MTUS2: variants seen among roughly 807,000 people sequenced by gnomAD.
The protein encoded by MTUS2 is microtubule-associated tumor suppressor candidate 2.
MTUS2 carries 40 observed loss-of-function variants against 114.1 expected under a neutral mutation model. The observed-to-expected ratio is 0.35, with a 90% CI of 0.27 to 0.46. MTUS2 has a LOEUF of 0.46. Ranked by LOEUF, MTUS2 falls within the 20% of genes least tolerant of loss-of-function variation. The probability of loss-of-function intolerance (pLI) is 1.00; values close to 1 mark genes in which losing one functional copy is unlikely to be tolerated. For synonymous variants in MTUS2, 688 were observed against 672.0 expected (o/e 1.02, Z -0.37); for missense variants, 1,679 against 1,705.4 (o/e 0.98, Z 0.27).
intron 6 of MTUS2, among the ~76,000 whole-genome samples, chr13:29,299,459 C>G (rs888013857): frequency 1.3e-5 from 2 of 152,166 alleles, no homozygotes; most frequent in African/African-American, 4.8e-5. Context: ...AGTCCTTGTC[C>G]CTGTGGAGCT....
At chr13:29,035,280 G>GT (rs1887011023) in intron 4 of MTUS2, among the ~76,000 whole-genome samples, 1 of 152,196 alleles carries the variant, frequency 6.6e-6, no homozygotes, top group Non-Finnish European at 1.5e-5. Context: ...AGCAAAACTA[G>GT]TAACACTGAT....
chr13:28,886,404 G>A (rs1023287294), intron 2 of MTUS2, among the ~76,000 whole-genome samples: 3 of 152,132 alleles, frequency 2.0e-5, no homozygotes, highest in Non-Finnish European at 4.4e-5. Flanking sequence ...TGGTGGAGGT[G>A]GGGAGAAGTG....
chr13:29,026,321 T>A lies in MTUS2; in HGVS notation c.1623T>A (p.Thr541=). 6.2e-7 allele frequency: 1 copy of A among 1,613,954 alleles called. No individual in the cohort carries two copies. Among genetic ancestry groups the A allele is most frequent in the Non-Finnish European group, 8.5e-7 (1 of 1,179,866 alleles). ...NIPAPLHPET[T]VNMTYQPTTP... is the part of the protein sequence containing the mutation. ...CAGCACCCCTCCACCCAGAGACAACTGTGAACATGACCTACCAGCCTACAA... is the reference window on the plus strand; with the variant it reads ...CAGCACCCCTCCACCCAGAGACAACAGTGAACATGACCTACCAGCCTACAA... The change falls in exon 3 of 16, where the codon ACT becomes ACA. Residue 541 remains threonine (T), a synonymous_variant. Transcript: ENST00000612955.
intron 2 of MTUS2, among the ~76,000 whole-genome samples, chr13:28,953,892 G>A (rs557649176): frequency 1.2e-4 from 18 of 152,212 alleles, no homozygotes; most frequent in Middle Eastern, 3.4e-3. Flanking sequence ...ATTTATTTGA[G>A]TCCCAAAAAC....
At chr13:29,298,671 T>C (rs1050929158) in intron 6 of MTUS2, among the ~76,000 whole-genome samples, 8 of 152,170 alleles carry the variant, frequency 5.3e-5, no homozygotes, top group Non-Finnish European at 1.2e-4. Context: ...AAGTAAGAAA[T>C]AGGGTCACTT....
rs778352283 is a variant in MTUS2, at chr13:29,026,544, G to A, written c.1846G>A (p.Glu616Lys). The change falls in exon 3 of 16, where the codon GAG (glutamate) becomes AAG (lysine). Residue 616 changes from glutamate (E) to lysine (K), a missense_variant. By Grantham distance (56) the Glu-to-Lys change is moderately conservative. Around this residue, in one of 3 missense-constraint regions of MTUS2, gnomAD observed 843 missense variants for 770.8 expected, o/e 1.09. Coordinates refer to ENST00000612955, the MANE Select transcript of MTUS2 (RefSeq NM_001033602.4). ...CACACCTTCCTCGCAGGAGGGAATG[G>A]AGAACTATCAGGTTGAAAAAACAGA... ...KDTPSSQEGM[E>K]NYQVEKTEER... The A allele has an allele frequency of 1.2e-5, 19 of 1,613,946 alleles. No individual in the cohort carries two copies. Among genetic ancestry groups the A allele is most frequent in the Non-Finnish European group, 1.6e-5 (19 of 1,179,868 alleles).
In MTUS2 at chr13:29,024,546, G is replaced by C; in HGVS notation, c.-153G>C. 1.3e-5 allele frequency: 12 copies of C among 901,132 alleles called. No homozygotes were observed. Among genetic ancestry groups the C allele is most frequent in the Non-Finnish European group, 2.0e-5 (12 of 593,636 alleles). 55.8% of individuals were successfully genotyped at this position (901,132 alleles called of 1,614,324 possible). The stretch of plus-strand genomic sequence containing the variant: ...CAAGACAATGCTTGGTTTTCAAGCT[G>C]TTCTGAGAATGATTAAAGCAGTGTC... On this transcript the variant is annotated 5_prime_UTR_variant, in exon 3 of 16. Coordinates refer to ENST00000612955, the MANE Select transcript of MTUS2 (RefSeq NM_001033602.4).
chr13:29,149,073 G>A (rs560816719), intron 5 of MTUS2, among the ~76,000 whole-genome samples: 78 of 152,236 alleles, frequency 5.1e-4, no homozygotes, highest in African/African-American at 1.8e-3. Context: ...GGATCGGGTG[G>A]TAATTCTAAT....
chr13:29,231,152 T>G (rs1478422274), intron 5 of MTUS2, among the ~76,000 whole-genome samples: 3 of 152,188 alleles, frequency 2.0e-5, no homozygotes, highest in Non-Finnish European at 2.9e-5. Context: ...AATTTCCTGG[T>G]GAATGATTCA....
intron 2 of MTUS2, among the ~76,000 whole-genome samples, chr13:28,966,948 A>T (rs1054058457): frequency 1.6e-4 from 24 of 152,162 alleles, no homozygotes; most frequent in African/African-American, 5.3e-4. Flanking sequence ...ATAGTAGCAA[A>T]TTTTCCCTTG....
At chr13:28,976,704 A>T (rs188215662) in intron 2 of MTUS2, among the ~76,000 whole-genome samples, 2 of 152,226 alleles carry the variant, frequency 1.3e-5, no homozygotes, top group African/African-American at 4.8e-5. Flanking sequence ...GATTGGCAAT[A>T]TCTAAATGGG....
intron 5 of MTUS2, among the ~76,000 whole-genome samples, chr13:29,271,310 T>C (rs1365126102): frequency 6.6e-6 from 1 of 152,236 alleles, no homozygotes; most frequent in East Asian, 1.9e-4. Flanking sequence ...AGTCTGCTAC[T>C]GTCTTCTTCC....
chr13:29,097,610 G>A (rs1032840854), intron 4 of MTUS2, among the ~76,000 whole-genome samples: 9 of 152,172 alleles, frequency 5.9e-5, no homozygotes, highest in African/African-American at 1.7e-4. Context: ...ACAGTGTAGC[G>A]TATAAAAACA....
chr13:28,838,004 T>G (rs1875210257), intron 1 of MTUS2, among the ~76,000 whole-genome samples: 1 of 152,190 alleles, frequency 6.6e-6, no homozygotes, highest in Non-Finnish European at 1.5e-5. Context: ...GCATGTCAAC[T>G]TTGACTTCGT....
At chr13:28,911,845 G>GTTTTTTT (rs202187530) in intron 2 of MTUS2, among the ~76,000 whole-genome samples, 1 of 103,828 alleles carries the variant, frequency 9.6e-6, no homozygotes. Flanking sequence ...ACTTTTTAAT[G>GTTTTTTT]TTTTTTTTTT....
chr13:29,352,306 G>A (rs147069671), intron 7 of MTUS2, among the ~76,000 whole-genome samples: 43 of 152,312 alleles, frequency 2.8e-4, no homozygotes, highest in African/African-American at 9.6e-4. Flanking sequence ...ACACGTCAGA[G>A]CTCTCAGTCT....
At chr13:29,077,878 AT>A (rs879843526) in intron 4 of MTUS2, among the ~76,000 whole-genome samples, 5 of 152,218 alleles carry the variant, frequency 3.3e-5, no homozygotes, top group African/African-American at 7.2e-5. Context: ...TGATTGAGAT[AT>A]TTTTGTAACA....
At chr13:28,914,997 G>C (rs1251360608) in intron 2 of MTUS2, among the ~76,000 whole-genome samples, 1 of 151,738 alleles carries the variant, frequency 6.6e-6, no homozygotes, top group Non-Finnish European at 1.5e-5. Flanking sequence ...TTGCATATGA[G>C]ATGGGTCTCT....
At chr13:29,466,386 C>G (rs1413491186) in intron 9 of MTUS2, among the ~76,000 whole-genome samples, 1 of 152,142 alleles carries the variant, frequency 6.6e-6, no homozygotes, top group African/African-American at 2.4e-5. Flanking sequence ...CTAAAAGTTC[C>G]TGGGTGGAAA....
Sources: allele counts gnomAD v4.1 joint callset (sites outside exome capture counted in the v4.1 genomes callset), GRCh38; gene constraint gnomAD v4.1.1; regional missense constraint gnomAD v4.1.1; transcripts MANE v1.5; gene names NCBI Gene and HGNC (gene_info 2026-07-23, HGNC 2026-07-21).